The following STK39 variants were observed in gnomAD, a reference collection of about 807,000 sequenced individuals.
STK39 encodes serine/threonine kinase 39.
STK39 carries 20 observed loss-of-function variants against 77.8 expected under a neutral mutation model. That is an observed-to-expected ratio of 0.26 (90% CI 0.18 to 0.37). The LOEUF is 0.37. Ranked by LOEUF, STK39 falls within the 10% of genes least tolerant of loss-of-function variation. STK39 has a pLI of 1.00. For missense variants in STK39, 479 were observed against 656.5 expected, an observed-to-expected ratio of 0.73 and a Z score of 2.95; for synonymous variants, 246 against 234.1, an observed-to-expected ratio of 1.05 and a Z score of -0.47.
chr2:168,098,720 C>A (rs1686739309), intron 10 of STK39, among the ~76,000 whole-genome samples: 1 of 152,034 alleles, frequency 6.6e-6, no homozygotes, highest in Non-Finnish European at 1.5e-5. Context: ...CCTAACATTG[C>A]CTTTAAGTCA....
At position 168,075,234 on chromosome 2, in the gene STK39, G is replaced by A; in HGVS notation, c.1090-3C>T. 6.2e-7 allele frequency: 1 copy of A among 1,613,518 alleles called. No homozygotes were observed. Among genetic ancestry groups the A allele is most frequent in the Non-Finnish European group, 8.5e-7 (1 of 1,179,992 alleles). Reference sequence around the variant, plus strand: ...CTTGACCCAGGAACTCTTCTTACCTGAATCAAAACAAGCCCACACAATTCT... The same window carrying A: ...CTTGACCCAGGAACTCTTCTTACCTAAATCAAAACAAGCCCACACAATTCT... On this transcript the variant is annotated splice_polypyrimidine_tract_variant and splice_region_variant and intron_variant, in intron 10 of 17. Coordinates refer to ENST00000355999, the MANE Select transcript of STK39 (RefSeq NM_013233.3).
At chr2:167,977,279 A>AATGGGAAGTGTCCAATAATCATTATGTT (rs1416925324) in intron 16 of STK39, among the ~76,000 whole-genome samples, 4 of 152,316 alleles carry the variant, frequency 2.6e-5, no homozygotes, top group South Asian at 2.1e-4. Flanking sequence ...ACAGTGTGGT[A>AATGGGAAGTGTCCAATAATCATTATGTT]ATGGGAAGTG....
chr2:168,123,178 A>G (rs919734192), intron 10 of STK39, among the ~76,000 whole-genome samples: 7 of 152,164 alleles, frequency 4.6e-5, no homozygotes, highest in African/African-American at 1.7e-4. Flanking sequence ...ACTGGCCTAT[A>G]CTCTTCAAAG....
chr2:168,031,696 G>T (rs984842066), intron 14 of STK39, among the ~76,000 whole-genome samples: 4 of 152,122 alleles, frequency 2.6e-5, no homozygotes, highest in Non-Finnish European at 5.9e-5. Flanking sequence ...CAGCAAGAAG[G>T]TCTTCTACAA....
At chr2:168,216,575 C>T (rs751568885) in intron 1 of STK39, among the ~76,000 whole-genome samples, 4 of 152,156 alleles carry the variant, frequency 2.6e-5, no homozygotes, top group Non-Finnish European at 5.9e-5. Context: ...GGAGAAGGGG[C>T]TAAATGTCTT....
chr2:168,095,739 G>A (rs2105441632), intron 10 of STK39, among the ~76,000 whole-genome samples: 1 of 148,230 alleles, frequency 6.7e-6, no homozygotes, highest in East Asian at 2.0e-4. Flanking sequence ...CCATTATCCT[G>A]CTTCAGCCTC....
intron 16 of STK39, among the ~76,000 whole-genome samples, chr2:168,010,447 T>C (rs980020082): frequency 1.3e-5 from 2 of 152,230 alleles, no homozygotes; most frequent in African/African-American, 4.8e-5. Context: ...TGAATCAATC[T>C]TTTTTCTCAG....
intron 5 of STK39, among the ~76,000 whole-genome samples, chr2:168,147,784 C>T (rs1688179768): frequency 6.6e-6 from 1 of 152,182 alleles, no homozygotes; most frequent in Non-Finnish European, 1.5e-5. Flanking sequence ...GTATACTACA[C>T]TCAGCACTAA....
intron 16 of STK39, among the ~76,000 whole-genome samples, chr2:167,971,198 G>A (rs1197164332): frequency 6.6e-6 from 1 of 151,936 alleles, no homozygotes; most frequent in East Asian, 1.9e-4. Flanking sequence ...GTGGATTTGT[G>A]TTTTGAGTTC....
chr2:168,099,551 T>G (rs1261417636), intron 10 of STK39, among the ~76,000 whole-genome samples: 1 of 152,196 alleles, frequency 6.6e-6, no homozygotes, highest in African/African-American at 2.4e-5. Flanking sequence ...TATTTGTCAA[T>G]AACCTCAGCT....
intron 2 of STK39, among the ~76,000 whole-genome samples, chr2:168,171,777 T>C (rs907884181): frequency 8.6e-5 from 13 of 151,948 alleles, no homozygotes; most frequent in Admixed American, 8.5e-4. Flanking sequence ...TGTGAGCCAC[T>C]GTACCCTGCC....
At chr2:168,182,739 A>G (rs1182799449) in intron 1 of STK39, among the ~76,000 whole-genome samples, 2 of 152,216 alleles carry the variant, frequency 1.3e-5, no homozygotes, top group Admixed American at 6.5e-5. Flanking sequence ...TCCATATTTT[A>G]TAAGAGCAAA....
In STK39 at chr2:168,127,188, GC is replaced by G. The variant is rs577454727; in HGVS notation, c.1089+2352del. Among the ~76,000 whole-genome samples, 27 of 152,246 alleles carry G rather than the reference GC, an allele frequency of 1.8e-4. No individual in the cohort carries two copies. In the South Asian group the frequency reaches 2.3e-3, roughly 13 times the overall value. On this transcript the variant is annotated intron_variant, in intron 10 of 17. Transcript: ENST00000355999. ...TTGTTTTGAGACGGGGTCTTGCTCT[GC>G]CGCTAGGCTGGAGTGCAGTGGCACA...
At chr2:168,018,107 T>G (rs1440398820) in intron 14 of STK39, among the ~76,000 whole-genome samples, 2 of 152,166 alleles carry the variant, frequency 1.3e-5, no homozygotes, top group Admixed American at 6.5e-5. Context: ...TAAGGGGCAG[T>G]GAGCTATAAT....
intron 10 of STK39, among the ~76,000 whole-genome samples, chr2:168,083,036 T>C (rs1686278000): frequency 6.6e-6 from 1 of 152,200 alleles, no homozygotes; most frequent in Non-Finnish European, 1.5e-5. Context: ...ATATCCTCAA[T>C]GCTTCTCCCA....
At chr2:168,060,892 G>C (rs931253849) in intron 14 of STK39, among the ~76,000 whole-genome samples, 3 of 151,256 alleles carry the variant, frequency 2.0e-5, no homozygotes, top group Non-Finnish European at 2.9e-5. Context: ...AAGACTCTTC[G>C]CCCTCAAACT....
intron 14 of STK39, among the ~76,000 whole-genome samples, chr2:168,026,997 T>C (rs1320636685): frequency 6.6e-6 from 1 of 152,218 alleles, no homozygotes. Flanking sequence ...CATGTGCATT[T>C]ATTACTTTGC....
At chr2:168,213,256 A>T (rs1689939258) in intron 1 of STK39, among the ~76,000 whole-genome samples, 1 of 151,874 alleles carries the variant, frequency 6.6e-6, no homozygotes, top group Non-Finnish European at 1.5e-5. Context: ...GTGTAGATTT[A>T]AAAACACACA....
At chr2:168,004,583 A>T (rs1684078305) in intron 16 of STK39, among the ~76,000 whole-genome samples, 1 of 151,840 alleles carries the variant, frequency 6.6e-6, no homozygotes, top group Non-Finnish European at 1.5e-5. Context: ...ATACAAAAAA[A>T]TTAGCCTGAC....
Sources: allele counts gnomAD v4.1 joint callset (sites outside exome capture counted in the v4.1 genomes callset), GRCh38; gene constraint gnomAD v4.1.1; transcripts MANE v1.5; gene names NCBI Gene and HGNC (gene_info 2026-07-23, HGNC 2026-07-21).